Variants in SEMA6D observed in about 807,000 individuals in gnomAD.
SEMA6D encodes semaphorin-6D.
A neutral mutation model predicts 106.6 loss-of-function variants in SEMA6D; 35 were observed. The observed-to-expected ratio is 0.33, with a 90% confidence interval of 0.25 to 0.44. SEMA6D has a LOEUF of 0.44. SEMA6D is among the 20% of genes least tolerant of loss of function. The pLI is 1.00. For synonymous variants in SEMA6D, 499 were observed against 487.7 expected, an observed-to-expected ratio of 1.02 and a Z score of -0.31; for missense variants, 1,185 against 1,345.9, an observed-to-expected ratio of 0.88 and a Z score of 1.87.
chr15:47,387,764 G>C (rs1368086346), intron 1 of SEMA6D, among the ~76,000 whole-genome samples: 1 of 152,186 alleles, frequency 6.6e-6, no homozygotes, highest in Non-Finnish European at 1.5e-5. Flanking sequence ...AACAAACCTA[G>C]TTCAAAATTC....
At chr15:47,673,536 G>A (rs188751695) in intron 4 of SEMA6D, among the ~76,000 whole-genome samples, 2 of 152,300 alleles carry the variant, frequency 1.3e-5, no homozygotes, top group East Asian at 3.9e-4. Context: ...ACATTCAGTG[G>A]AAGATGTCAC....
At chr15:47,584,520 T>TG (rs1409947505) in intron 3 of SEMA6D, among the ~76,000 whole-genome samples, 1 of 152,194 alleles carries the variant, frequency 6.6e-6, no homozygotes, top group Non-Finnish European at 1.5e-5. Flanking sequence ...ATTCAGCCCC[T>TG]GGCATAGCAT....
chr15:47,303,368 C>G (rs1268099227), intron 1 of SEMA6D, among the ~76,000 whole-genome samples: 3 of 152,206 alleles, frequency 2.0e-5, no homozygotes, highest in African/African-American at 7.2e-5. Context: ...TCTGCATTTA[C>G]TGTTCCAGTT....
At chr15:47,711,456 A>C (rs2079023121) in intron 4 of SEMA6D, among the ~76,000 whole-genome samples, 4 of 152,194 alleles carry the variant, frequency 2.6e-5, no homozygotes, top group Admixed American at 2.6e-4. Context: ...AAACAAACTA[A>C]GTTTCTCTTG....
intron 4 of SEMA6D, among the ~76,000 whole-genome samples, chr15:47,629,467 A>G (rs915182803): frequency 3.9e-5 from 6 of 151,966 alleles, no homozygotes; most frequent in Non-Finnish European, 5.9e-5. Flanking sequence ...AATAATTTAC[A>G]TATTTATCAG....
intron 3 of SEMA6D, among the ~76,000 whole-genome samples, chr15:47,570,663 G>A (rs1440048791): frequency 1.3e-5 from 2 of 152,108 alleles, no homozygotes; most frequent in Admixed American, 6.5e-5. Context: ...GCGCAGCCTC[G>A]TCTGGTCAGT....
rs143750022 is a variant in SEMA6D, at chr15:47,699,841, G to A, written c.-54-59904G>A. Reference sequence around the variant, plus strand: ...AAAAACAATAATATGAAATAAAACCGCCTTTGCAGATGACATGATCATTTA... The same window carrying A: ...AAAAACAATAATATGAAATAAAACCACCTTTGCAGATGACATGATCATTTA... On this transcript the variant is annotated intron_variant, in intron 4 of 19. Transcript: ENST00000558014. Among the ~76,000 whole-genome samples, 8 of 152,200 alleles carry A rather than the reference G, an allele frequency of 5.3e-5. No individual in the cohort carries two copies. The South Asian group carries it at 8.3e-4, about 16-fold the overall frequency.
At chr15:47,308,165 G>A (rs1029725025) in intron 1 of SEMA6D, among the ~76,000 whole-genome samples, 1 of 151,986 alleles carries the variant, frequency 6.6e-6, no homozygotes, top group Non-Finnish European at 1.5e-5. Flanking sequence ...TTTAAGTAGT[G>A]GCCCAACTGT....
intron 1 of SEMA6D, among the ~76,000 whole-genome samples, chr15:47,204,691 T>G (rs932485494): frequency 1.3e-5 from 2 of 152,128 alleles, no homozygotes; most frequent in African/African-American, 4.8e-5. Flanking sequence ...ATAACATCTC[T>G]GATAAATTAT....
At position 47,484,479 on chromosome 15, in the gene SEMA6D, G is replaced by A. The variant is rs551238014; in HGVS notation, c.-87+13934G>A. 1.2e-4 allele frequency among the ~76,000 whole-genome samples: 18 copies of A among 152,244 alleles called. No individual in the cohort carries two copies. In the East Asian group the frequency reaches 2.3e-3, roughly 20 times the overall value. The stretch of plus-strand genomic sequence containing the variant: ...ATGTAACATCACAAAGAGGATTAGC[G>A]CAGGTTATGGTTTTGATTAAACATT... On this transcript the variant is annotated intron_variant, in intron 3 of 19. Transcript: ENST00000558014.
chr15:47,596,429 A>ACCTTAT (rs1466112520), intron 3 of SEMA6D, among the ~76,000 whole-genome samples: 1 of 152,142 alleles, frequency 6.6e-6, no homozygotes, highest in Non-Finnish European at 1.5e-5. Flanking sequence ...AATAGAATAA[A>ACCTTAT]ATCTTAAAAT....
At chr15:47,731,083 A>C (rs556707482) in intron 1 of SEMA6D, 3 of 536,104 alleles carry the variant, frequency 5.6e-6, no homozygotes, top group East Asian at 2.9e-5. Flanking sequence ...CAGATAGTCC[A>C]ACTTCTCAAA....
intron 1 of SEMA6D, among the ~76,000 whole-genome samples, chr15:47,353,017 G>A (rs1230193037): frequency 6.6e-6 from 1 of 152,016 alleles, no homozygotes; most frequent in Non-Finnish European, 1.5e-5. Context: ...GTCGTAAGAG[G>A]TACTATTAGG....
At chr15:47,234,601 T>C (rs930016893) in intron 1 of SEMA6D, among the ~76,000 whole-genome samples, 1 of 152,058 alleles carries the variant, frequency 6.6e-6, no homozygotes, top group Non-Finnish European at 1.5e-5. Context: ...ATATGGCATT[T>C]GATTGTTCAT....
At chr15:47,656,368 C>T (rs112805742) in intron 4 of SEMA6D, among the ~76,000 whole-genome samples, 47 of 152,296 alleles carry the variant, frequency 3.1e-4, no homozygotes, top group Middle Eastern at 6.8e-3. Flanking sequence ...CTTTATAGAA[C>T]ATAGCTACCA....
At chr15:47,504,906 C>T (rs1452121997) in intron 3 of SEMA6D, among the ~76,000 whole-genome samples, 1 of 152,078 alleles carries the variant, frequency 6.6e-6, no homozygotes, top group African/African-American at 2.4e-5. Flanking sequence ...TGGAAATTCC[C>T]TTCCTTCCTT....
chr15:47,459,075 T>A (rs2042424748), intron 2 of SEMA6D, among the ~76,000 whole-genome samples: 1 of 152,038 alleles, frequency 6.6e-6, no homozygotes, highest in Non-Finnish European at 1.5e-5. Flanking sequence ...GATTAGGTTT[T>A]GTTATATAGC....
chr15:47,761,254 G>T (rs142054743), intron 5 of SEMA6D, 34 bp downstream of exon 5: 2 of 1,612,628 alleles, frequency 1.2e-6, no homozygotes, highest in South Asian at 1.1e-5. Context: ...GCTAGATTTA[G>T]TCTTTCTGTG....
At chr15:47,261,506 G>T (rs932147556) in intron 1 of SEMA6D, among the ~76,000 whole-genome samples, 1 of 151,950 alleles carries the variant, frequency 6.6e-6, no homozygotes, top group African/African-American at 2.4e-5. Context: ...ATTTGATTTT[G>T]CTTTTTAATG....
Sources: allele counts gnomAD v4.1 joint callset (sites outside exome capture counted in the v4.1 genomes callset), GRCh38; gene constraint gnomAD v4.1.1; transcripts MANE v1.5; gene names NCBI Gene and HGNC (gene_info 2026-07-23, HGNC 2026-07-21).